Variants in EFCAB6 observed in about 807,000 individuals in gnomAD.
EFCAB6 encodes the protein EF-hand calcium binding domain 6.
Under a neutral mutation model 169.8 loss-of-function variants are expected in EFCAB6, and 156 were observed. The observed-to-expected ratio is 0.92, with a 90% CI of 0.81 to 1.05. The LOEUF (loss-of-function observed/expected upper bound fraction) is 1.05. Among genes scored for constraint, EFCAB6 ranks in the 50% least tolerant of loss-of-function variants. The pLI is 0.00. For missense variants in EFCAB6, 1,800 were observed against 1,829.1 expected (o/e 0.98, Z 0.29); for synonymous variants, 698 against 676.4 (o/e 1.03, Z -0.50).
rs1330158764 is a variant in EFCAB6 at position 43,576,452 on chromosome 22, C to G, written c.3265G>C (p.Val1089Leu). 6.3e-7 allele frequency: 1 copy of G among 1,589,480 alleles called. No individual in the cohort carries two copies. The highest frequency in any genetic ancestry group is 8.5e-7 in the Non-Finnish European group (1 of 1,172,852). The change falls in exon 26 of 32, where the codon GTA (valine) becomes CTA (leucine). Residue 1089 changes from valine (V) to leucine (L), a missense_variant. Val to Leu is a conservative substitution (Grantham distance 32). Coordinates refer to ENST00000262726, the MANE Select transcript of EFCAB6 (RefSeq NM_022785.4). ...ACTTGTCCGAATTCTGTAGCCTTTA[C>G]AAATCCTGTATCCTCTTTATCCAAT... is the stretch of plus-strand genomic sequence containing the variant. ...SALDKEDTGF[V>L]KATEFGQVLK... is the part of the protein sequence containing the mutation.
chr22:43,586,340 A>ATTTTTTTTTTTTTTTTTTTTTTTTTTTTT (rs36058832), intron 24 of EFCAB6, among the ~76,000 whole-genome samples: 6 of 72,924 alleles, frequency 8.2e-5, no homozygotes, highest in African/African-American at 1.9e-4. Flanking sequence ...GCAACAACTG[A>ATTTTTTTTTTTTTTTTTTTTTTTTTTTTT]TTTTTTTTTT....
chr22:43,649,121 C>A (rs985302539), intron 17 of EFCAB6, among the ~76,000 whole-genome samples: 6 of 152,160 alleles, frequency 3.9e-5, no homozygotes, highest in African/African-American at 1.4e-4. Context: ...AAAAAAGTCC[C>A]CGGGCTGAGA....
At chr22:43,725,341 A>G (rs2059690946) in intron 8 of EFCAB6, among the ~76,000 whole-genome samples, 1 of 152,006 alleles carries the variant, frequency 6.6e-6, no homozygotes, top group Non-Finnish European at 1.5e-5. Context: ...GGGTTTCTCC[A>G]TGTTAGTCAG....
At chr22:43,653,189 A>T (rs1158711163) in intron 17 of EFCAB6, among the ~76,000 whole-genome samples, 2 of 152,226 alleles carry the variant, frequency 1.3e-5, no homozygotes, top group African/African-American at 4.8e-5. Flanking sequence ...GTCACAACTG[A>T]TAAAACACAT....
At chr22:43,623,538 G>C (rs1190998565) in intron 20 of EFCAB6, among the ~76,000 whole-genome samples, 1 of 152,076 alleles carries the variant, frequency 6.6e-6, no homozygotes, top group African/African-American at 2.4e-5. Flanking sequence ...TTATGATACA[G>C]GTGGAAAGTG....
intron 21 of EFCAB6, among the ~76,000 whole-genome samples, 163 bp downstream of exon 21, chr22:43,615,663 T>G (rs191721754): frequency 4.6e-5 from 7 of 152,300 alleles, no homozygotes; most frequent in Non-Finnish European, 1.0e-4. Context: ...ATGTGAGAAT[T>G]TAGTTTGAAA....
chr22:43,586,869 G>T (rs1370434061), intron 24 of EFCAB6, among the ~76,000 whole-genome samples: 2 of 152,148 alleles, frequency 1.3e-5, no homozygotes, highest in Admixed American at 6.5e-5. Flanking sequence ...CCTTGCAATG[G>T]TTCTGATGCT....
At position 43,639,629 on chromosome 22, in the gene EFCAB6, G is replaced by C. The variant is rs12168357; in HGVS notation, c.1984-4413C>G. ...CAGCAGTTTGTCTGTTATTTTCTTT[G>C]TAATATCCTACTTGGGGTTTTCTGA... On this transcript the variant is annotated intron_variant, in intron 17 of 31. Coordinates refer to ENST00000262726, the MANE Select transcript of EFCAB6 (RefSeq NM_022785.4). Among the ~76,000 whole-genome samples, 1,039 of 152,052 alleles carry C rather than the reference G, an allele frequency of 6.8e-3. 5 individuals are homozygous for C. The highest frequency in any genetic ancestry group is 0.031 in the Middle Eastern group (9 of 294).
At chr22:43,673,686 A>G (rs1569359028) in intron 13 of EFCAB6, among the ~76,000 whole-genome samples, 3 of 152,198 alleles carry the variant, frequency 2.0e-5, no homozygotes, top group Non-Finnish European at 4.4e-5. Context: ...AGGCTGTCGC[A>G]GGAGAATCAT....
intron 20 of EFCAB6, among the ~76,000 whole-genome samples, chr22:43,618,169 A>AAGGAAGGAAG (rs1277847574): frequency 0.041 from 1,229 of 30,214 alleles, 20 homozygotes; most frequent in Middle Eastern, 0.069. Flanking sequence ...AAGGAAGGAA[A>AAGGAAGGAAG]GAAAGAAAGA....
intron 10 of EFCAB6, 59 bp downstream of exon 10, chr22:43,711,416 C>T: frequency 8.1e-6 from 12 of 1,476,664 alleles, no homozygotes; most frequent in Non-Finnish European, 1.1e-5. Flanking sequence ...GAAGCTGTGC[C>T]TTATTCTTAC....
At chr22:43,625,487 T>C (rs189936503) in intron 20 of EFCAB6, among the ~76,000 whole-genome samples, 68 of 152,306 alleles carry the variant, frequency 4.5e-4, no homozygotes, top group African/African-American at 1.6e-3. Flanking sequence ...TGGGGACGGG[T>C]GATCCCCTGC....
At chr22:43,784,571 GTACA>G (rs2061966956) in intron 2 of EFCAB6, among the ~76,000 whole-genome samples, 1 of 62,650 alleles carries the variant, frequency 1.6e-5, no homozygotes, top group African/African-American at 5.7e-5. Flanking sequence ...ATATATATGT[GTACA>G]TATACACATA....
At chr22:43,651,400 T>C (rs1026024248) in intron 17 of EFCAB6, among the ~76,000 whole-genome samples, 2 of 152,258 alleles carry the variant, frequency 1.3e-5, no homozygotes, top group Admixed American at 1.3e-4. Flanking sequence ...AATTGAGGTT[T>C]GGGAACCTCT....
rs563683897 is a variant in EFCAB6 at position 43,795,418 on chromosome 22, T to C, written c.-7-13093A>G. On this transcript the variant is annotated intron_variant, in intron 2 of 31. Transcript: ENST00000262726. The surrounding 1 kb of genome is among the most constrained non-coding windows in gnomAD (Gnocchi z 4.2). ...GTGTCATGGCATGTTCTAGACATCA[T>C]GCCTACCAGTGCCCACTAGGCAGGA... Among the ~76,000 whole-genome samples, 7 of 152,286 alleles carry C rather than the reference T, an allele frequency of 4.6e-5. No individual in the cohort carries two copies. The South Asian group carries it at 1.5e-3, about 32-fold the overall frequency.
At chr22:43,546,830 G>A (rs2048084621) in intron 27 of EFCAB6, among the ~76,000 whole-genome samples, 3 of 151,130 alleles carry the variant, frequency 2.0e-5, no homozygotes, top group Admixed American at 1.3e-4. Flanking sequence ...ACGAGATCAT[G>A]CCATTGAACT....
intron 21 of EFCAB6, among the ~76,000 whole-genome samples, chr22:43,609,269 G>T (rs139673338): frequency 6.6e-6 from 1 of 152,306 alleles, no homozygotes; most frequent in East Asian, 1.9e-4. Context: ...CAGGAACAAA[G>T]TGAGAATATC....
At chr22:43,688,694 C>T (rs1049327725) in intron 10 of EFCAB6, among the ~76,000 whole-genome samples, 24 of 152,188 alleles carry the variant, frequency 1.6e-4, no homozygotes, top group African/African-American at 5.8e-4. Context: ...GTCAAAAAGC[C>T]TCGGTTGCAG....
At chr22:43,626,728 G>T in intron 19 of EFCAB6, 49 bp from the exon 20 acceptor site, 1 of 1,578,290 alleles carries the variant, frequency 6.3e-7, no homozygotes, top group East Asian at 2.2e-5. Flanking sequence ...AGCCCCGGAC[G>T]GCCACACATG....
Sources: gnomAD v4.1 joint callset for allele counts (sites outside exome capture counted in the v4.1 genomes callset) on GRCh38, gnomAD v4.1.1 for gene constraint, Gnocchi (gnomAD v3.1) non-coding constraint, MANE v1.5 for transcripts, NCBI Gene and HGNC (gene_info 2026-07-23, HGNC 2026-07-21) for gene names.